Variants in CDKAL1 observed in about 807,000 individuals in gnomAD.
CDKAL1 encodes the protein threonylcarbamoyladenosine tRNA methylthiotransferase.
Under a neutral mutation model 68.2 loss-of-function variants are expected in CDKAL1, and 32 were observed. The observed-to-expected ratio is 0.47, with a 90% CI of 0.35 to 0.63. The LOEUF (loss-of-function observed/expected upper bound fraction) is 0.63. Ranked by LOEUF, CDKAL1 falls within the 30% of genes least tolerant of loss-of-function variation. The pLI is 0.00. For synonymous variants in CDKAL1, 234 were observed against 244.3 expected, an observed-to-expected ratio of 0.96 and a Z score of 0.39; for missense variants, 606 against 696.7, an observed-to-expected ratio of 0.87 and a Z score of 1.47.
chr6:20,752,290 G>A (rs1773959755), intron 6 of CDKAL1, among the ~76,000 whole-genome samples: 1 of 151,268 alleles, frequency 6.6e-6, no homozygotes, highest in South Asian at 2.1e-4. Context: ...TAAGGTCCTG[G>A]GGTTCCCACA....
intron 4 of CDKAL1, among the ~76,000 whole-genome samples, chr6:20,644,259 G>A (rs1768329222): frequency 6.6e-6 from 1 of 151,930 alleles, no homozygotes; most frequent in South Asian, 2.1e-4. Flanking sequence ...GTACAGCCTG[G>A]CACGTAGTGA....
chr6:20,928,291 A>G (rs1035306992), intron 9 of CDKAL1, among the ~76,000 whole-genome samples: 1 of 152,232 alleles, frequency 6.6e-6, no homozygotes, highest in East Asian at 1.9e-4. Flanking sequence ...ATAGTTCTTC[A>G]TGGGATGTGA....
intron 5 of CDKAL1, among the ~76,000 whole-genome samples, chr6:20,733,258 C>T (rs1339950375): frequency 6.6e-6 from 1 of 152,188 alleles, no homozygotes; most frequent in Non-Finnish European, 1.5e-5. Flanking sequence ...TCCATTCTTC[C>T]CTTTTACATG....
chr6:20,929,447 A>G (rs903293477), intron 9 of CDKAL1, among the ~76,000 whole-genome samples: 43 of 152,212 alleles, frequency 2.8e-4, no homozygotes, highest in African/African-American at 1.0e-3. Context: ...AGAAAAAGTA[A>G]GGTAGAAAAA....
At chr6:21,086,724 C>T (rs1304485962) in intron 12 of CDKAL1, among the ~76,000 whole-genome samples, 1 of 152,140 alleles carries the variant, frequency 6.6e-6, no homozygotes, top group Non-Finnish European at 1.5e-5. Flanking sequence ...CTGCCCAAGA[C>T]CAGCTTTAAG....
At chr6:20,818,309 T>C (rs1777133532) in intron 8 of CDKAL1, among the ~76,000 whole-genome samples, 1 of 152,138 alleles carries the variant, frequency 6.6e-6, no homozygotes. Flanking sequence ...GGCTCACATT[T>C]TTGCTTTTGT....
chr6:20,895,688 A>G (rs1020987508), intron 9 of CDKAL1, among the ~76,000 whole-genome samples: 16 of 152,202 alleles, frequency 1.1e-4, no homozygotes, highest in Non-Finnish European at 2.4e-4. Context: ...GAAGTCTGCC[A>G]TGTCTCCATC....
chr6:20,543,237 A>G (rs6928571), intron 2 of CDKAL1, among the ~76,000 whole-genome samples: 3,396 of 152,340 alleles, frequency 0.022, 130 homozygotes, highest in African/African-American at 0.076. Flanking sequence ...TTAAGAAAAC[A>G]CCAAACTGTT....
chr6:20,901,214 C>A (rs1487688772), intron 9 of CDKAL1, among the ~76,000 whole-genome samples: 1 of 152,054 alleles, frequency 6.6e-6, no homozygotes, highest in African/African-American at 2.4e-5. Flanking sequence ...AGTATTTCTG[C>A]GACTGTTGCC....
At chr6:20,667,249 T>G (rs1480016943) in intron 5 of CDKAL1, among the ~76,000 whole-genome samples, 1 of 152,212 alleles carries the variant, frequency 6.6e-6, no homozygotes, top group African/African-American at 2.4e-5. Context: ...GCCTACTATG[T>G]GTTACAGGCT....
At chr6:21,096,788 A>G (rs539508696) in intron 12 of CDKAL1, among the ~76,000 whole-genome samples, 1 of 152,320 alleles carries the variant, frequency 6.6e-6, no homozygotes, top group East Asian at 1.9e-4. Flanking sequence ...ACAAAAATAA[A>G]AACAGTGTAG....
At position 20,542,338 on chromosome 6, in the gene CDKAL1, G is replaced by C. The variant is rs111798390; in HGVS notation, c.-5-4008G>C. Among the ~76,000 whole-genome samples the C allele has an allele frequency of 7.9e-4, 121 of 152,336 alleles. 2 individuals are homozygous for C. Among genetic ancestry groups the C allele is most frequent in the African/African-American group, 2.6e-3 (109 of 41,586 alleles). ...ATATACACATACTAAGTAGGTAGTA[G>C]AGTACCACACAGTGCGTGGGCTTGG... is the stretch of plus-strand genomic sequence containing the variant. On this transcript the variant is annotated intron_variant, in intron 2 of 15. Coordinates refer to ENST00000274695, the MANE Select transcript of CDKAL1 (RefSeq NM_017774.3).
intron 5 of CDKAL1, among the ~76,000 whole-genome samples, chr6:20,689,535 G>T (rs949453956): frequency 2.6e-5 from 4 of 152,132 alleles, no homozygotes. Context: ...CTTGTTGGTA[G>T]GATGGAATAG....
intron 11 of CDKAL1, among the ~76,000 whole-genome samples, chr6:21,062,595 A>G (rs1207891958): frequency 6.6e-6 from 1 of 152,160 alleles, no homozygotes; most frequent in Non-Finnish European, 1.5e-5. Flanking sequence ...TCTATTTATC[A>G]TCATGGAGAA....
intron 9 of CDKAL1, among the ~76,000 whole-genome samples, chr6:20,945,196 A>T (rs1185517459): frequency 6.6e-6 from 1 of 152,090 alleles, no homozygotes; most frequent in South Asian, 2.1e-4. Context: ...AGTATCCCTA[A>T]TCCAAAAATC....
intron 9 of CDKAL1, among the ~76,000 whole-genome samples, chr6:20,933,181 C>T (rs144222518): frequency 0.012 from 1,795 of 152,242 alleles, 29 homozygotes; most frequent in African/African-American, 0.038. Context: ...CTTCAGCCAT[C>T]GTAAAGAAAG....
At chr6:20,752,542 G>A (rs555698638) in intron 6 of CDKAL1, among the ~76,000 whole-genome samples, 2 of 152,096 alleles carry the variant, frequency 1.3e-5, no homozygotes, top group African/African-American at 2.4e-5. Flanking sequence ...TCATTTTGAC[G>A]TAGTATCACT....
chr6:20,957,968 CAAAAA>C (rs60301451), intron 10 of CDKAL1, among the ~76,000 whole-genome samples: 1 of 67,392 alleles, frequency 1.5e-5, no homozygotes, highest in Non-Finnish European at 3.7e-5. Context: ...AAGATTATCT[CAAAAA>C]AAAAAAAAAA....
At chr6:21,171,641 T>A (rs1777394209) in intron 13 of CDKAL1, among the ~76,000 whole-genome samples, 1 of 152,226 alleles carries the variant, frequency 6.6e-6, no homozygotes, top group Admixed American at 6.5e-5. Context: ...TCCACTATTG[T>A]TGAGCATTCA....
Sources: allele counts gnomAD v4.1 joint callset (sites outside exome capture counted in the v4.1 genomes callset), GRCh38; gene constraint gnomAD v4.1.1; transcripts MANE v1.5; gene names NCBI Gene and HGNC (gene_info 2026-07-23, HGNC 2026-07-21).